The following KALRN variants were observed in gnomAD, a reference collection of about 807,000 sequenced individuals.
KALRN encodes kalirin RhoGEF kinase.
KALRN carries 70 observed loss-of-function variants against 353.7 expected under a neutral mutation model. The observed-to-expected ratio is 0.20, with a 90% CI of 0.16 to 0.24. The LOEUF is 0.24. Ranked by LOEUF, KALRN falls within the 10% of genes least tolerant of loss-of-function variation. The probability of loss-of-function intolerance (pLI) is 1.00; values close to 1 mark genes in which losing one functional copy is unlikely to be tolerated. For synonymous variants in KALRN, 1,391 were observed against 1,434.8 expected, an observed-to-expected ratio of 0.97 and a Z score of 0.69; for missense variants, 2,791 against 3,756.7, an observed-to-expected ratio of 0.74 and a Z score of 6.72.
At chr3:124,516,546 C>T (rs931190816) in intron 33 of KALRN, among the ~76,000 whole-genome samples, 4 of 150,784 alleles carry the variant, frequency 2.7e-5, no homozygotes, top group Non-Finnish European at 2.9e-5. Context: ...TTTTAACAAC[C>T]GTATAAAGAG....
intron 33 of KALRN, chr3:124,519,506 C>T: frequency 1.0e-6 from 1 of 985,280 alleles, no homozygotes; most frequent in Non-Finnish European, 1.2e-6. Context: ...ATAGATTAAA[C>T]CTGATTTCTG....
At chr3:124,182,589 CTTA>C (rs2073748175) in intron 1 of KALRN, among the ~76,000 whole-genome samples, 1 of 152,206 alleles carries the variant, frequency 6.6e-6, no homozygotes, top group Admixed American at 6.5e-5. Flanking sequence ...TCACCTTTGC[CTTA>C]TTATACTGAT....
chr3:124,628,685 C>T (rs2080384855), intron 34 of KALRN, among the ~76,000 whole-genome samples: 1 of 151,272 alleles, frequency 6.6e-6, no homozygotes, highest in African/African-American at 2.4e-5. Flanking sequence ...AAACTGTTCT[C>T]ATGCCTCAGC....
At chr3:124,559,964 C>A (rs2071753422) in intron 33 of KALRN, among the ~76,000 whole-genome samples, 1 of 152,222 alleles carries the variant, frequency 6.6e-6, no homozygotes, top group Non-Finnish European at 1.5e-5. Flanking sequence ...AGAAATTGCC[C>A]ATTGATCTTG....
At chr3:124,656,582 G>C (rs2084071198) in intron 39 of KALRN, among the ~76,000 whole-genome samples, 2 of 152,196 alleles carry the variant, frequency 1.3e-5, no homozygotes, top group African/African-American at 4.8e-5. Context: ...CCGCACTCCA[G>C]CCTGGGCGAC....
chr3:124,502,400 G>A (rs962777877), intron 33 of KALRN, among the ~76,000 whole-genome samples: 11 of 152,190 alleles, frequency 7.2e-5, no homozygotes, highest in Non-Finnish European at 1.5e-4. Context: ...GTTGTGAGCT[G>A]TGAGCAGCCA....
rs568773236 is a variant in KALRN, at chr3:124,722,593, A to G, written c.*3123A>G. On this transcript the variant is annotated 3_prime_UTR_variant, in exon 60 of 60. Coordinates refer to ENST00000682506, the MANE Select transcript of KALRN (RefSeq NM_001388419.1). ...CACAGCAAGTTGGAAATAACAAGGA[A>G]TCCCAGATGATGATGATCCTGGGGA... 1 of 152,354 alleles carries G rather than the reference A, an allele frequency of 6.6e-6. No homozygotes were observed. Among genetic ancestry groups the G allele is most frequent in the Non-Finnish European group, 1.5e-5 (1 of 68,050 alleles). 9.4% of individuals were successfully genotyped at this position (152,354 alleles called of 1,614,324 possible).
chr3:124,618,439 A>T (rs1278783076), intron 34 of KALRN, among the ~76,000 whole-genome samples: 2 of 152,116 alleles, frequency 1.3e-5, no homozygotes, highest in Non-Finnish European at 2.9e-5. Flanking sequence ...GTGAATGAAA[A>T]GTCTGCTGGT....
At chr3:124,354,076 A>C (rs546404592) in intron 10 of KALRN, among the ~76,000 whole-genome samples, 3 of 152,326 alleles carry the variant, frequency 2.0e-5, no homozygotes, top group Admixed American at 6.5e-5. Flanking sequence ...AAATTGGGAG[A>C]GGGCAGGAGC....
chr3:124,646,853 TA>T (rs1327653587), intron 37 of KALRN, among the ~76,000 whole-genome samples: 4 of 152,060 alleles, frequency 2.6e-5, no homozygotes, highest in Non-Finnish European at 5.9e-5. Flanking sequence ...TAGACCCTTT[TA>T]AAAATAGTAT....
intron 34 of KALRN, among the ~76,000 whole-genome samples, chr3:124,617,429 A>G (rs2078737154): frequency 6.6e-6 from 1 of 152,236 alleles, no homozygotes; most frequent in African/African-American, 2.4e-5. Context: ...GTAAACAAGC[A>G]TTTATCAGTG....
chr3:124,583,138 G>A (rs1251481725), intron 34 of KALRN, among the ~76,000 whole-genome samples: 3 of 152,140 alleles, frequency 2.0e-5, no homozygotes, highest in African/African-American at 7.2e-5. Context: ...GGGAAAGGAA[G>A]CCCCAAATCC....
intron 1 of KALRN, chr3:124,082,314 G>C (rs1332357379): frequency 6.4e-6 from 3 of 470,962 alleles, no homozygotes; most frequent in Non-Finnish European, 1.3e-5. Flanking sequence ...GGGAAAAGTT[G>C]CTCCAACTTT....
At chr3:124,232,039 A>G (rs751567305) in intron 2 of KALRN, among the ~76,000 whole-genome samples, 1 of 152,172 alleles carries the variant, frequency 6.6e-6, no homozygotes, top group Admixed American at 6.5e-5. Context: ...CCTTTCTGAT[A>G]TCCTCTTGTC....
At chr3:124,561,031 T>C (rs974164630) in intron 33 of KALRN, among the ~76,000 whole-genome samples, 3 of 152,208 alleles carry the variant, frequency 2.0e-5, no homozygotes, top group Non-Finnish European at 4.4e-5. Flanking sequence ...ACCACTGATA[T>C]TGACATTTCT....
intron 42 of KALRN, among the ~76,000 whole-genome samples, chr3:124,659,039 A>G (rs750845821): frequency 5.3e-5 from 8 of 152,116 alleles, no homozygotes; most frequent in Admixed American, 1.3e-4. Flanking sequence ...TCCTAGAAGA[A>G]GCCCCTTTTC....
intron 25 of KALRN, among the ~76,000 whole-genome samples, chr3:124,465,946 T>C (rs1199268990): frequency 2.6e-5 from 4 of 152,152 alleles, no homozygotes; most frequent in Admixed American, 6.6e-5. Flanking sequence ...GGTTATGTGG[T>C]GAATACATAT....
chr3:124,247,173 T>C (rs555287512), intron 3 of KALRN, among the ~76,000 whole-genome samples: 48 of 152,302 alleles, frequency 3.2e-4, no homozygotes, highest in African/African-American at 1.1e-3. Flanking sequence ...GCAGTTTAGG[T>C]GTGCTGCCAC....
At chr3:124,547,266 C>T (rs2109446245) in intron 33 of KALRN, among the ~76,000 whole-genome samples, 1 of 152,168 alleles carries the variant, frequency 6.6e-6, no homozygotes, top group African/African-American at 2.4e-5. Flanking sequence ...TCTCAAAGTG[C>T]TGGGATTGTA....
Sources: allele counts gnomAD v4.1 joint callset (sites outside exome capture counted in the v4.1 genomes callset), GRCh38; gene constraint gnomAD v4.1.1; transcripts MANE v1.5; gene names NCBI Gene and HGNC (gene_info 2026-07-23, HGNC 2026-07-21).